TNFAIP8L3: variants seen among roughly 807,000 people sequenced by gnomAD.
TNFAIP8L3 encodes the protein tumor necrosis factor alpha-induced protein 8-like protein 3.
Under a neutral mutation model 11.8 loss-of-function variants are expected in TNFAIP8L3, and 7 were observed. The ratio of observed to expected loss-of-function variants is 0.59; its 90% CI spans 0.34 to 1.11. The LOEUF (loss-of-function observed/expected upper bound fraction) is 1.11. Among genes scored for constraint, TNFAIP8L3 ranks in the 50% most tolerant of loss-of-function variants. TNFAIP8L3 has a pLI of 0.03. For missense variants in TNFAIP8L3, 219 were observed against 258.6 expected, an observed-to-expected ratio of 0.85 and a Z score of 1.05; for synonymous variants, 98 against 103.8, an observed-to-expected ratio of 0.94 and a Z score of 0.34.
chr15:51,093,818 G>C (rs1432976911), intron 1 of TNFAIP8L3, among the ~76,000 whole-genome samples: 1 of 152,204 alleles, frequency 6.6e-6, no homozygotes, highest in Non-Finnish European at 1.5e-5. Flanking sequence ...CAGTATCAGG[G>C]AGAGGCGGGG....
At chr15:51,096,842 G>A (rs2065516583), upstream of TNFAIP8L3, among the ~76,000 whole-genome samples, 2 of 141,638 alleles carry the variant, frequency 1.4e-5, no homozygotes, top group African/African-American at 2.6e-5. Context: ...AGTGAGCCGA[G>A]ATCGTGCCAT....
chr15:51,062,752 T>G (rs551494857), intron 1 of TNFAIP8L3, among the ~76,000 whole-genome samples: 1 of 152,330 alleles, frequency 6.6e-6, no homozygotes, highest in Admixed American at 6.5e-5. Flanking sequence ...AAATATTTAT[T>G]TAATACATTA....
chr15:51,078,050 A>G (rs144433342), intron 1 of TNFAIP8L3, among the ~76,000 whole-genome samples: 3 of 152,182 alleles, frequency 2.0e-5, no homozygotes, highest in African/African-American at 4.8e-5. Context: ...CGTCCCTGAC[A>G]TGTGCTAGGA....
At chr15:51,060,516 C>G (rs1010356035) in intron 1 of TNFAIP8L3, among the ~76,000 whole-genome samples, 1 of 152,192 alleles carries the variant, frequency 6.6e-6, no homozygotes, top group African/African-American at 2.4e-5. Context: ...AGAAATGCAG[C>G]CAACATGCAT....
In TNFAIP8L3 at chr15:51,075,556, C is replaced by T. The variant is rs538605264; in HGVS notation, c.53-17113G>A. 1.7e-3 allele frequency among the ~76,000 whole-genome samples: 264 copies of T among 152,294 alleles called. 1 individual carries two copies. The highest frequency in any genetic ancestry group is 3.7e-3 in the South Asian group (18 of 4,822). On this transcript the variant is annotated intron_variant, in intron 1 of 1. Transcript: ENST00000637513. ...GGCAGCTCCCAAACTTTCTCTACCA[C>T]GGCAGGCACCCAAGAACTCAGGCTC... is the stretch of plus-strand genomic sequence containing the variant.
At position 51,104,934 on chromosome 15, in the gene TNFAIP8L3, C is replaced by T. The variant is rs926669735; in HGVS notation, c.172+71G>A. The T allele has an allele frequency of 6.0e-5, 96 of 1,598,404 alleles. No homozygotes were observed. The African/African-American group carries it at 1.2e-3, about 20-fold the overall frequency. On this transcript the variant is annotated intron_variant, in intron 1 of 2. Coordinates refer to the TNFAIP8L3 transcript ENST00000327536. The stretch of plus-strand genomic sequence containing the variant: ...AGCTCTGTGCATCCTCAGCTCGCCA[C>T]CTTGCATGCTTTGCACAAGCCTCCC...
At chr15:51,076,663 C>T (rs1234612277) in intron 1 of TNFAIP8L3, among the ~76,000 whole-genome samples, 1 of 152,044 alleles carries the variant, frequency 6.6e-6, no homozygotes, top group Admixed American at 6.5e-5. Flanking sequence ...ACAGGGAAAA[C>T]GAGAGAGCCC....
chr15:51,094,506 C>G lies in TNFAIP8L3; in HGVS notation c.52+38G>C, dbSNP rs2065496532. On this transcript the variant is annotated intron_variant, in intron 1 of 1. Coordinates refer to ENST00000637513, the MANE Select transcript of TNFAIP8L3 (RefSeq NM_001311175.2). The surrounding 1 kb of genome is among the most constrained non-coding windows in gnomAD (Gnocchi z 4.4). Reference sequence around the variant, plus strand: ...CCCCAGCCTCCCGTCCTCCCCAGCCCCAGCCCACCCGCCTGGGCCGTCGCG... The same window carrying G: ...CCCCAGCCTCCCGTCCTCCCCAGCCGCAGCCCACCCGCCTGGGCCGTCGCG... 1 of 1,459,618 alleles carries G rather than the reference C, an allele frequency of 6.9e-7. No individual in the cohort carries two copies. The highest frequency in any genetic ancestry group is 2.4e-5 in the Admixed American group (1 of 42,070). 90.4% of individuals were successfully genotyped at this position (1,459,618 alleles called of 1,614,324 possible).
At chr15:51,076,889 T>C (rs34013374) in intron 1 of TNFAIP8L3, among the ~76,000 whole-genome samples, 30,933 of 152,138 alleles carry the variant, frequency 0.2, 3,626 homozygotes, top group East Asian at 0.44. Flanking sequence ...CCCTTAAGTA[T>C]GATAAATTGA....
Position 51,094,497 on chromosome 15 carries a change from TC to T in TNFAIP8L3, c.52+46del. 7.0e-7 allele frequency: 1 copy of T among 1,430,190 alleles called. No individual in the cohort carries two copies. The highest frequency in any genetic ancestry group is 1.4e-5 in the South Asian group (1 of 73,472). 88.6% of individuals were successfully genotyped at this position (1,430,190 alleles called of 1,614,324 possible). A position where few individuals can be genotyped will look rare whatever the true frequency, so the allele number is the denominator to read the frequency against. Reference sequence around the variant, plus strand: ...GATTTCATGCCCCAGCCTCCCGTCCTCCCCAGCCCCAGCCCACCCGCCTGGG... The same window carrying T: ...GATTTCATGCCCCAGCCTCCCGTCCTCCCAGCCCCAGCCCACCCGCCTGGG... On this transcript the variant is annotated intron_variant, in intron 1 of 1. Transcript: ENST00000637513. The surrounding 1 kb of genome is among the most constrained non-coding windows in gnomAD (Gnocchi z 4.4).
intron 1 of TNFAIP8L3, among the ~76,000 whole-genome samples, chr15:51,090,163 C>T (rs902789867): frequency 6.6e-5 from 10 of 152,218 alleles, no homozygotes; most frequent in Non-Finnish European, 1.3e-4. Context: ...TCCTGCATTT[C>T]CCTGCCTCCA....
At chr15:51,070,140 T>C (rs145629850) in intron 1 of TNFAIP8L3, among the ~76,000 whole-genome samples, 105 of 152,350 alleles carry the variant, frequency 6.9e-4, no homozygotes, top group African/African-American at 2.4e-3. Flanking sequence ...CTCTGAAAAG[T>C]GAATGAGTGT....
chr15:51,065,035 TC>T (rs1252887543), intron 1 of TNFAIP8L3, among the ~76,000 whole-genome samples: 1 of 152,192 alleles, frequency 6.6e-6, no homozygotes, highest in Non-Finnish European at 1.5e-5. Flanking sequence ...GAACAAAAGT[TC>T]CCATTTTCCA....
upstream of TNFAIP8L3, among the ~76,000 whole-genome samples, chr15:51,099,291 G>A (rs1045030355): frequency 5.3e-5 from 8 of 152,146 alleles, no homozygotes; most frequent in African/African-American, 1.7e-4. Context: ...GTAGGAGGCA[G>A]AGGGTGGATG....
chr15:51,083,132 G>T (rs1021206456), intron 1 of TNFAIP8L3, among the ~76,000 whole-genome samples: 3 of 152,100 alleles, frequency 2.0e-5, no homozygotes, highest in Non-Finnish European at 2.9e-5. Context: ...CTGCTTGGGA[G>T]GCTAGAGGGG....
At position 51,094,699 on chromosome 15, in the gene TNFAIP8L3, G is replaced by A; in HGVS notation, c.-104C>T. On this transcript the variant is annotated 5_prime_UTR_variant, in exon 1 of 2. Coordinates refer to ENST00000637513, the MANE Select transcript of TNFAIP8L3 (RefSeq NM_001311175.2). This position sits in a 1 kb window ranked among gnomAD's most constrained non-coding sequence, Gnocchi z 4.4. ...GGACAGCGGGGCGGCTGGAGCCCGGGCGGCGCGGGCGGCGCGGGCTGGGCG... is the reference window on the plus strand; with the variant it reads ...GGACAGCGGGGCGGCTGGAGCCCGGACGGCGCGGGCGGCGCGGGCTGGGCG... 1 of 597,218 alleles carries A rather than the reference G, an allele frequency of 1.7e-6. No homozygotes were observed. The highest frequency in any genetic ancestry group is 2.1e-6 in the Non-Finnish European group (1 of 487,056). The allele number at this position is 597,218 out of a possible 1,614,324, so 37.0% of individuals were successfully genotyped here. A position where few individuals can be genotyped will look rare whatever the true frequency, so the allele number is the denominator to read the frequency against.
chr15:51,101,945 C>CAAAAAAAAAAAAA (rs11297566), intron 1 of TNFAIP8L3, among the ~76,000 whole-genome samples: 3 of 85,714 alleles, frequency 3.5e-5, no homozygotes, highest in Admixed American at 1.3e-4. Flanking sequence ...GACTCTGTCT[C>CAAAAAAAAAAAAA]AAAAAAAAAA....
At chr15:51,076,734 C>T (rs1393858926) in intron 1 of TNFAIP8L3, among the ~76,000 whole-genome samples, 2 of 152,162 alleles carry the variant, frequency 1.3e-5, no homozygotes, top group African/African-American at 4.8e-5. Flanking sequence ...AGAGCCCGGC[C>T]TCCAGCCCTG....
chr15:51,082,116 G>A (rs1427037031), intron 1 of TNFAIP8L3, among the ~76,000 whole-genome samples: 1 of 151,320 alleles, frequency 6.6e-6, no homozygotes, highest in African/African-American at 2.4e-5. Flanking sequence ...AGAGTCATGA[G>A]TGACTTGATG....
Sources: allele counts gnomAD v4.1 joint callset (sites outside exome capture counted in the v4.1 genomes callset), GRCh38; gene constraint gnomAD v4.1.1; non-coding constraint Gnocchi (gnomAD v3.1); transcripts MANE v1.5; gene names NCBI Gene and HGNC (gene_info 2026-07-23, HGNC 2026-07-21).